DCLK1: variants seen among roughly 807,000 people sequenced by gnomAD.
The protein encoded by DCLK1 is doublecortin like kinase 1.
A neutral mutation model predicts 86.2 loss-of-function variants in DCLK1; 16 were observed. The ratio of observed to expected loss-of-function variants is 0.19; its 90% confidence interval spans 0.13 to 0.28. DCLK1 has a LOEUF of 0.28. DCLK1 is among the 10% of genes least tolerant of loss of function. The pLI, the probability that DCLK1 is intolerant of heterozygous loss-of-function variation, is 1.00. For missense variants in DCLK1, 590 were observed against 940.2 expected (o/e 0.63, Z 4.87); for synonymous variants, 369 against 370.5 (o/e 1.00, Z 0.05).
intron 4 of DCLK1, among the ~76,000 whole-genome samples, chr13:35,893,671 A>C (rs1482897192): frequency 6.6e-6 from 1 of 152,210 alleles, no homozygotes; most frequent in Non-Finnish European, 1.5e-5. Context: ...AAAACACAGC[A>C]TGGTAAGTGG....
At chr13:36,031,839 C>T (rs1472566286) in intron 3 of DCLK1, among the ~76,000 whole-genome samples, 1 of 152,170 alleles carries the variant, frequency 6.6e-6, no homozygotes, top group Non-Finnish European at 1.5e-5. Context: ...ACACAGCTGG[C>T]TGCTGTTTGC....
At chr13:36,056,591 A>G (rs1054933787) in intron 3 of DCLK1, among the ~76,000 whole-genome samples, 1 of 141,312 alleles carries the variant, frequency 7.1e-6, no homozygotes, top group Non-Finnish European at 1.5e-5. Context: ...CAATGTGCAC[A>G]TGTACCCTAA....
At chr13:35,964,837 G>A (rs191691491) in intron 3 of DCLK1, among the ~76,000 whole-genome samples, 50 of 151,734 alleles carry the variant, frequency 3.3e-4, no homozygotes, top group Middle Eastern at 3.4e-3. Context: ...GGTAAAAATG[G>A]TAGGAAATTC....
At chr13:35,807,355 G>A (rs1380867715) in intron 14 of DCLK1, among the ~76,000 whole-genome samples, 1 of 152,094 alleles carries the variant, frequency 6.6e-6, no homozygotes, top group African/African-American at 2.4e-5. Flanking sequence ...TTAGTTTCAT[G>A]GGATAAAAAC....
At position 35,947,477 on chromosome 13, in the gene DCLK1, C is replaced by T. The variant is rs1169192458; in HGVS notation, c.724-20G>A. The T allele has an allele frequency of 2.5e-6, 4 of 1,603,328 alleles. No homozygotes were observed. Among genetic ancestry groups the T allele is most frequent in the Admixed American group, 1.7e-5 (1 of 59,956 alleles). The stretch of plus-strand genomic sequence containing the variant: ...CATCACCTACAAGAGAAAAGCATGG[C>T]ACTCAGCAAGGGTGGTAGAACAGCA... On this transcript the variant is annotated intron_variant, in intron 3 of 16. Transcript: ENST00000360631.
intron 3 of DCLK1, among the ~76,000 whole-genome samples, chr13:35,952,702 G>C (rs1413424437): frequency 1.3e-5 from 2 of 152,148 alleles, no homozygotes; most frequent in East Asian, 3.8e-4. Context: ...TTAATATTCT[G>C]TTGACTAATT....
intron 4 of DCLK1, among the ~76,000 whole-genome samples, chr13:35,899,421 C>G (rs896907755): frequency 4.7e-5 from 7 of 150,324 alleles, no homozygotes; most frequent in Non-Finnish European, 1.0e-4. Flanking sequence ...ATAAAGTGTA[C>G]ATTGTACTAT....
At chr13:35,798,505 T>C (rs2086857138) in intron 15 of DCLK1, among the ~76,000 whole-genome samples, 1 of 152,132 alleles carries the variant, frequency 6.6e-6, no homozygotes, top group Non-Finnish European at 1.5e-5. Context: ...CAATAGCAGT[T>C]CCGCTGCACC....
chr13:36,115,461 C>T (rs1006516590), intron 2 of DCLK1, among the ~76,000 whole-genome samples: 6 of 152,080 alleles, frequency 3.9e-5, no homozygotes, highest in Admixed American at 2.0e-4. Flanking sequence ...AAGCTCTTAG[C>T]GGTGGTACTA....
rs148117848 is a variant in DCLK1 at position 36,084,980 on chromosome 13, C to A, written c.723+26889G>T. 2.8e-4 allele frequency among the ~76,000 whole-genome samples: 43 copies of A among 152,236 alleles called. 1 individual carries two copies. Among genetic ancestry groups the A allele is most frequent in the Admixed American group, 7.8e-4 (12 of 15,304 alleles). ...TGTATACATTGTCTCTCAAGGAAAA[C>A]AAATTTCTCATTACCACCATGTGGC... On this transcript the variant is annotated intron_variant, in intron 3 of 16. Transcript: ENST00000360631.
chr13:35,932,478 G>C (rs116887242), intron 4 of DCLK1, among the ~76,000 whole-genome samples: 1 of 152,226 alleles, frequency 6.6e-6, no homozygotes, highest in East Asian at 1.9e-4. Flanking sequence ...CGTGAGACTG[G>C]GCAATTTACA....
intron 16 of DCLK1, among the ~76,000 whole-genome samples, chr13:35,790,027 C>G (rs1477108623): frequency 6.6e-6 from 1 of 152,164 alleles, no homozygotes; most frequent in African/African-American, 2.4e-5. Flanking sequence ...GTCAGAGCAC[C>G]TTTCCTCCTT....
chr13:35,961,559 C>T (rs1265809427), intron 3 of DCLK1, among the ~76,000 whole-genome samples: 2 of 152,174 alleles, frequency 1.3e-5, no homozygotes, highest in Non-Finnish European at 2.9e-5. Context: ...GTGAAGAATA[C>T]AGTGCAATAA....
chr13:36,039,429 A>C (rs1326284264), intron 3 of DCLK1, among the ~76,000 whole-genome samples: 1 of 152,204 alleles, frequency 6.6e-6, no homozygotes, highest in East Asian at 1.9e-4. Context: ...CCTCTGGTAT[A>C]AAAAGCAAAT....
At chr13:35,850,669 T>C (rs1870548646) in intron 6 of DCLK1, 2 of 1,488,344 alleles carry the variant, frequency 1.3e-6, no homozygotes, top group East Asian at 2.5e-5. Context: ...GCTTCAGAAA[T>C]GTGAAACCTT....
rs114818491 is a variant in DCLK1 at position 35,813,126 on chromosome 13, C to T, written c.1555-2158G>A. On this transcript the variant is annotated intron_variant, in intron 11 of 16. Transcript: ENST00000360631. ...TCTAGTAGATGGTCTCGTTGATTTC[C>T]GAGGCAGAGCAGAATTGTTTACTTC... Among the ~76,000 whole-genome samples, 520 of 152,196 alleles carry T rather than the reference C, an allele frequency of 3.4e-3. 1 individual carries two copies. The highest frequency in any genetic ancestry group is 0.012 in the African/African-American group (496 of 41,536).
At chr13:35,998,703 T>G (rs1880582405) in intron 3 of DCLK1, among the ~76,000 whole-genome samples, 1 of 152,088 alleles carries the variant, frequency 6.6e-6, no homozygotes, top group Admixed American at 6.5e-5. Context: ...CATAAGATAA[T>G]GGTATTGTGA....
intron 3 of DCLK1, among the ~76,000 whole-genome samples, chr13:35,963,436 C>T (rs1400900883): frequency 1.3e-5 from 2 of 152,048 alleles, no homozygotes; most frequent in Non-Finnish European, 2.9e-5. Flanking sequence ...CTTTGCTTGG[C>T]CATATTTTGT....
At chr13:35,805,430 G>A (rs1397259117) in intron 15 of DCLK1, 8 of 349,012 alleles carry the variant, frequency 2.3e-5, no homozygotes, top group African/African-American at 1.5e-4. Context: ...CTGAGTAGCT[G>A]GGACCACAGG....
Sources: allele counts gnomAD v4.1 joint callset (sites outside exome capture counted in the v4.1 genomes callset), GRCh38; gene constraint gnomAD v4.1.1; transcripts MANE v1.5; gene names NCBI Gene and HGNC (gene_info 2026-07-23, HGNC 2026-07-21).